The following CLHC1 variants were observed in gnomAD, a reference collection of about 807,000 sequenced individuals.
CLHC1 encodes clathrin heavy chain linker domain-containing protein 1.
Under a neutral mutation model 69.5 loss-of-function variants are expected in CLHC1, and 72 were observed. That is an observed-to-expected ratio of 1.04 (90% CI 0.86 to 1.26). CLHC1 has a LOEUF of 1.26. CLHC1 is among the 50% of genes most tolerant of loss of function. CLHC1 has a pLI of 0.00. For missense variants in CLHC1, 790 were observed against 679.3 expected (o/e 1.16, Z -1.81); for synonymous variants, 223 against 224.3 (o/e 0.99, Z 0.05).
At chr2:55,206,810 G>A (rs1211182428) in intron 8 of CLHC1, 1 of 170,540 alleles carries the variant, frequency 5.9e-6, no homozygotes, top group African/African-American at 2.4e-5. Flanking sequence ...ATTGAAGATA[G>A]AACCTACCAA....
intron 4 of CLHC1, among the ~76,000 whole-genome samples, chr2:55,217,370 A>G (rs1673623402): frequency 6.6e-6 from 1 of 150,390 alleles, no homozygotes; most frequent in Non-Finnish European, 1.5e-5. Flanking sequence ...ATTAAAAAAA[A>G]AAATTAGCTG....
chr2:55,182,010 GGA>G (rs1310819409), intron 9 of CLHC1, among the ~76,000 whole-genome samples: 1 of 152,108 alleles, frequency 6.6e-6, no homozygotes, highest in African/African-American at 2.4e-5. Flanking sequence ...CCAGAAGCTA[GGA>G]GAGAGGCATG....
chr2:55,192,119 C>CTGT (rs141321889), intron 9 of CLHC1, among the ~76,000 whole-genome samples: 9,014 of 152,050 alleles, frequency 0.059, 334 homozygotes, highest in East Asian at 0.11. Context: ...GTTGTTGTTG[C>CTGT]TGTTGTTGTT....
In CLHC1 at chr2:55,212,724, T is replaced by A. The variant is rs1372484351; in HGVS notation, c.448A>T (p.Lys150Ter). 4.4e-6 allele frequency: 7 copies of A among 1,597,776 alleles called. No homozygotes were observed. Among genetic ancestry groups the A allele is most frequent in the Non-Finnish European group, 6.0e-6 (7 of 1,165,216 alleles). ...IKQCRAEYDTKEVKYCTFSKD... is the reference protein window; with the variant it reads ...IKQCRAEYDT ...GAGAAAGTACAATATTTTACTTCTTTTGTGTCATACTCTGCCCTACACTGC... is the reference window on the plus strand; with the variant it reads ...GAGAAAGTACAATATTTTACTTCTTATGTGTCATACTCTGCCCTACACTGC... The change falls in exon 5 of 13, where the codon AAA (lysine) becomes TAA (stop). Residue 150 changes from lysine (K) to a stop codon, truncating the protein, a stop_gained. Transcript: ENST00000401408. LOFTEE classifies it high-confidence loss of function.
At chr2:55,176,108 C>A (rs1669367764) in intron 12 of CLHC1, 122 bp from the exon 13 acceptor site, 1 of 767,150 alleles carries the variant, frequency 1.3e-6, no homozygotes, top group Non-Finnish European at 2.1e-6. Context: ...CTACCTGATT[C>A]CCCTAAGATT....
chr2:55,175,796 A>G lies in CLHC1; in HGVS notation c.1755T>C (p.Phe585=). ...AGCTGGTTAAGATATAGAACTACCA[A>G]AACACATGTTCCATTAGGTTGACTG... ...DDAVNLMEHV[F]W is the part of the protein sequence containing the mutation. Residue 585 remains phenylalanine (F), a synonymous_variant, in exon 13 of 13, where the codon TTT becomes TTC. Coordinates refer to ENST00000401408, the MANE Select transcript of CLHC1 (RefSeq NM_152385.4). 6.2e-7 allele frequency: 1 copy of G among 1,613,516 alleles called. No individual in the cohort carries two copies. Among genetic ancestry groups the G allele is most frequent in the Non-Finnish European group, 8.5e-7 (1 of 1,179,554 alleles).
rs1303086919 is a variant in CLHC1 at position 55,173,438 on chromosome 2, G to T, written c.*2352C>A. Among the ~76,000 whole-genome samples the T allele has an allele frequency of 2.0e-5, 3 of 152,216 alleles. No homozygotes were observed. Among genetic ancestry groups the T allele is most frequent in the African/African-American group, 7.2e-5 (3 of 41,448 alleles). On this transcript the variant is annotated 3_prime_UTR_variant, in exon 13 of 13. Coordinates refer to ENST00000401408, the MANE Select transcript of CLHC1 (RefSeq NM_152385.4). ...AATTGTAGTATTTGAAATTTAGGCT[G>T]AAGGTCAAGAAGCATTGGGAAATAA...
In CLHC1 at chr2:55,176,005, A is replaced by G. The variant is rs1366688010; in HGVS notation, c.1565-19T>C. 3 of 1,572,498 alleles carry G rather than the reference A, an allele frequency of 1.9e-6. No individual in the cohort carries two copies. Among genetic ancestry groups the G allele is most frequent in the Non-Finnish European group, 1.7e-6 (2 of 1,144,854 alleles). On this transcript the variant is annotated intron_variant, in intron 12 of 12. Transcript: ENST00000401408. ...ACTGCATCTGTGGGGAAAAAATACA[A>G]TATTATAGTATGGCACTTATTTGAT...
chr2:55,222,568 T>C, intron 2 of CLHC1, 75 bp from the exon 3 acceptor site: 1 of 569,334 alleles, frequency 1.8e-6, no homozygotes. Context: ...AAAATGTATT[T>C]TTTTTAGAAA....
chr2:55,221,270 G>A (rs549758174), intron 3 of CLHC1, among the ~76,000 whole-genome samples: 61 of 152,284 alleles, frequency 4.0e-4, no homozygotes, highest in Non-Finnish European at 6.9e-4. Flanking sequence ...ATCTTCCGGG[G>A]ATGGGGTGGA....
intron 9 of CLHC1, among the ~76,000 whole-genome samples, chr2:55,193,482 A>G (rs1271670613): frequency 6.6e-6 from 1 of 152,180 alleles, no homozygotes; most frequent in African/African-American, 2.4e-5. Context: ...AAATGAGCAA[A>G]GGACAGACAT....
intron 11 of CLHC1, among the ~76,000 whole-genome samples, chr2:55,178,205 A>T (rs1669588736): frequency 6.6e-6 from 1 of 152,174 alleles, no homozygotes; most frequent in East Asian, 1.9e-4. Context: ...CTTGTTGCTC[A>T]TATTTGGACC....
In CLHC1 at chr2:55,175,772, G is replaced by T. The variant is rs748450750; in HGVS notation, c.*18C>A. On this transcript the variant is annotated 3_prime_UTR_variant, in exon 13 of 13. Transcript: ENST00000401408. ...ATAAGGTGTTGTACAAGCTCCCTCAGCTGGTTAAGATATAGAACTACCAAA... is the reference window on the plus strand; with the variant it reads ...ATAAGGTGTTGTACAAGCTCCCTCATCTGGTTAAGATATAGAACTACCAAA... 1.2e-6 allele frequency: 2 copies of T among 1,600,098 alleles called. No individual in the cohort carries two copies. The highest frequency in any genetic ancestry group is 1.7e-6 in the Non-Finnish European group (2 of 1,169,010).
At chr2:55,198,734 G>A (rs1423723571) in intron 9 of CLHC1, among the ~76,000 whole-genome samples, 1 of 152,080 alleles carries the variant, frequency 6.6e-6, no homozygotes. Context: ...ACTCCCAAAG[G>A]TCAAGGATAA....
chr2:55,201,284 GA>G (rs1558480351), intron 9 of CLHC1, among the ~76,000 whole-genome samples: 1 of 150,978 alleles, frequency 6.6e-6, no homozygotes, highest in South Asian at 2.1e-4. Context: ...AACTAAGTAA[GA>G]AAAAAAGAGA....
chr2:55,178,609 C>T (rs761831527), intron 11 of CLHC1, among the ~76,000 whole-genome samples: 1 of 152,122 alleles, frequency 6.6e-6, no homozygotes, highest in Non-Finnish European at 1.5e-5. Flanking sequence ...CCGCCTCAGC[C>T]TTCCCAGTAG....
At chr2:55,210,424 G>C (rs968690160) in intron 5 of CLHC1, among the ~76,000 whole-genome samples, 2 of 151,982 alleles carry the variant, frequency 1.3e-5, no homozygotes, top group Non-Finnish European at 2.9e-5. Flanking sequence ...TTGAACTCCT[G>C]ACCTCAAGTG....
At chr2:55,222,207 C>G in intron 3 of CLHC1, 28 bp downstream of exon 3, 2 of 1,552,306 alleles carry the variant, frequency 1.3e-6, no homozygotes, top group Non-Finnish European at 1.8e-6. Flanking sequence ...CTCATGAAAA[C>G]TTAATTGTCT....
intron 9 of CLHC1, among the ~76,000 whole-genome samples, chr2:55,186,419 C>G (rs1200272483): frequency 1.3e-5 from 2 of 152,196 alleles, no homozygotes; most frequent in Non-Finnish European, 2.9e-5. Flanking sequence ...AATTTATATA[C>G]TTCAGAACTA....
Sources: allele counts gnomAD v4.1 joint callset (sites outside exome capture counted in the v4.1 genomes callset), GRCh38; gene constraint gnomAD v4.1.1; transcripts MANE v1.5; gene names NCBI Gene and HGNC (gene_info 2026-07-23, HGNC 2026-07-21).